PRICKLE1: variants seen among roughly 807,000 people sequenced by gnomAD.
PRICKLE1 encodes prickle planar cell polarity protein 1, also known as prickle-like protein 1.
PRICKLE1 carries 14 observed loss-of-function variants against 70.2 expected under a neutral mutation model. The ratio of observed to expected loss-of-function variants is 0.20; its 90% CI spans 0.13 to 0.31. PRICKLE1 has a LOEUF of 0.31. Ranked by LOEUF, PRICKLE1 falls within the 10% of genes least tolerant of loss-of-function variation. The pLI is 1.00. For synonymous variants in PRICKLE1, 357 were observed against 379.9 expected, an observed-to-expected ratio of 0.94 and a Z score of 0.70; for missense variants, 821 against 1,026.2, an observed-to-expected ratio of 0.80 and a Z score of 2.73.
In PRICKLE1 at chr12:42,458,260, T is replaced by C. The variant is rs1937651414; in HGVS notation, c.*1549A>G. The C allele has an allele frequency of 6.6e-6, 1 of 152,254 alleles. No individual in the cohort carries two copies. The highest frequency in any genetic ancestry group is 6.5e-5 in the Admixed American group (1 of 15,282). The allele number at this position is 152,254 out of a possible 1,614,324, so 9.4% of individuals were successfully genotyped here. A position where few individuals can be genotyped will look rare whatever the true frequency, so the allele number is the denominator to read the frequency against. On this transcript the variant is annotated 3_prime_UTR_variant, in exon 8 of 8. Transcript: ENST00000345127. ...CACGAGACAAATGGAGGTCTGTTAA[T>C]GGTAGGGCAACTGCAAAATAAATCA...
At chr12:42,476,187 TTTTTTC>T (rs1938523077) in intron 1 of PRICKLE1, among the ~76,000 whole-genome samples, 2 of 147,320 alleles carry the variant, frequency 1.4e-5, no homozygotes, top group African/African-American at 2.6e-5. Context: ...TTCTTTTTTC[TTTTTTC>T]TTTTTTTTTT....
At chr12:42,470,046 G>A (rs1188235470) in intron 3 of PRICKLE1, 200 bp downstream of exon 3, 3 of 569,580 alleles carry the variant, frequency 5.3e-6, no homozygotes, top group Non-Finnish European at 9.4e-6. Flanking sequence ...AAACCAACTT[G>A]TGTTAAGTTT....
rs752116352 is a variant in PRICKLE1, at chr12:42,465,057, C to T, written c.977G>A (p.Arg326Gln). 1.7e-5 allele frequency: 27 copies of T among 1,577,482 alleles called. No homozygotes were observed. Among genetic ancestry groups the T allele is most frequent in the East Asian group, 6.7e-5 (3 of 44,634 alleles). ...DSSDSAFQSA[R>Q]SRDSRRSVRM... ...GACACTTCTTCGGGAGTCTCTTGAT[C>T]GAGCTGACTGAAATGCAGAGTCGGA... The change falls in exon 7 of 8, where the codon CGA becomes CAA. Residue 326 changes from arginine to glutamine, a missense_variant. Physicochemically the swap from Arg to Gln is conservative, Grantham distance 43 (BLOSUM62 1). Coordinates refer to ENST00000345127, the MANE Select transcript of PRICKLE1 (RefSeq NM_153026.3).
chr12:42,477,250 T>C lies in PRICKLE1; in HGVS notation c.-48-4686A>G, dbSNP rs150848413. Among the ~76,000 whole-genome samples the C allele has an allele frequency of 8.9e-3, 1,348 of 151,570 alleles. 21 individuals carry two copies. The highest frequency in any genetic ancestry group is 0.028 in the Admixed American group (430 of 15,244). ...ATCCAGGTGTGGTGGTGCACACCTG[T>C]AATCCCAGCTACTCGAGAGGCTGAG... On this transcript the variant is annotated intron_variant, in intron 1 of 7. Transcript: ENST00000345127.
intron 1 of PRICKLE1, among the ~76,000 whole-genome samples, chr12:42,492,606 T>C (rs1228671893): frequency 6.6e-6 from 1 of 152,242 alleles, no homozygotes; most frequent in Non-Finnish European, 1.5e-5. Flanking sequence ...AAGGAGGTGA[T>C]TTTGTAGTGA....
chr12:42,495,049 A>C (rs1939170796), intron 1 of PRICKLE1, among the ~76,000 whole-genome samples: 1 of 151,164 alleles, frequency 6.6e-6, no homozygotes, highest in Non-Finnish European at 1.5e-5. Flanking sequence ...CATGTGCTCC[A>C]TGCCTGGCTA....
Position 42,470,363 on chromosome 12 carries a change from CAA to C in PRICKLE1, c.133-6_133-5del, listed in dbSNP as rs1009731020. The C allele has an allele frequency of 6.4e-7, 1 of 1,570,498 alleles. No individual in the cohort carries two copies. Among genetic ancestry groups the C allele is most frequent in the African/African-American group, 1.4e-5 (1 of 74,054 alleles). On this transcript the variant is annotated splice_polypyrimidine_tract_variant and splice_region_variant and intron_variant, in intron 2 of 7. Coordinates refer to ENST00000345127, the MANE Select transcript of PRICKLE1 (RefSeq NM_153026.3). The stretch of plus-strand genomic sequence containing the variant: ...AGCAAGCAAAATAGAGCTGGATCTG[CAA>C]AAGAGACAGTGAGAATGGCATCAAC...
At chr12:42,506,733 C>G (rs549097311) in intron 1 of PRICKLE1, among the ~76,000 whole-genome samples, 1 of 151,706 alleles carries the variant, frequency 6.6e-6, no homozygotes, top group Non-Finnish European at 1.5e-5. Flanking sequence ...CCACCATGCC[C>G]GGCTAATTTT....
At chr12:42,477,760 AC>A in intron 1 of PRICKLE1, among the ~76,000 whole-genome samples, 1 of 151,962 alleles carries the variant, frequency 6.6e-6, no homozygotes, top group South Asian at 2.1e-4. Context: ...AATTCTAATA[AC>A]TTTATTTTCA....
At chr12:42,551,956 C>T (rs2120655957) in intron 1 of PRICKLE1, among the ~76,000 whole-genome samples, 1 of 152,108 alleles carries the variant, frequency 6.6e-6, no homozygotes, top group South Asian at 2.1e-4. Context: ...CCTTAACCTA[C>T]AGTATGGCAT....
At chr12:42,540,167 A>G (rs1236202058) in intron 1 of PRICKLE1, among the ~76,000 whole-genome samples, 1 of 152,258 alleles carries the variant, frequency 6.6e-6, no homozygotes, top group Admixed American at 6.5e-5. Flanking sequence ...ACATAAGCCA[A>G]TAAAAGTTTG....
At chr12:42,587,797 C>G (rs903028909) in intron 1 of PRICKLE1, among the ~76,000 whole-genome samples, 3 of 152,234 alleles carry the variant, frequency 2.0e-5, no homozygotes, top group Admixed American at 6.5e-5. Context: ...AGTTTAAAAT[C>G]CCCTGGTGGG....
chr12:42,503,380 C>T (rs561134808), intron 1 of PRICKLE1, among the ~76,000 whole-genome samples: 5 of 152,184 alleles, frequency 3.3e-5, no homozygotes, highest in Non-Finnish European at 4.4e-5. Context: ...CCAGACTTCC[C>T]GCACACTCAT....
At chr12:42,481,362 C>T (rs1249743140) in intron 1 of PRICKLE1, among the ~76,000 whole-genome samples, 3 of 152,182 alleles carry the variant, frequency 2.0e-5, no homozygotes, top group African/African-American at 7.2e-5. Context: ...TGCAATCCCA[C>T]TCTAGTTCCT....
At chr12:42,474,724 C>T (rs1938457144) in intron 1 of PRICKLE1, among the ~76,000 whole-genome samples, 1 of 152,174 alleles carries the variant, frequency 6.6e-6, no homozygotes, top group Non-Finnish European at 1.5e-5. Context: ...TAATTAGTAA[C>T]TCTAAAACTC....
At chr12:42,518,395 G>A (rs1404267866) in intron 1 of PRICKLE1, among the ~76,000 whole-genome samples, 2 of 152,066 alleles carry the variant, frequency 1.3e-5, no homozygotes, top group Non-Finnish European at 2.9e-5. Flanking sequence ...AACAAGGATG[G>A]TTTTTTTATA....
At chr12:42,478,274 C>T (rs1005998954) in intron 1 of PRICKLE1, among the ~76,000 whole-genome samples, 3 of 152,156 alleles carry the variant, frequency 2.0e-5, no homozygotes, top group Non-Finnish European at 4.4e-5. Context: ...CAAACTTAAT[C>T]ATAAATGAAT....
chr12:42,548,946 C>A (rs1394613020), intron 1 of PRICKLE1, among the ~76,000 whole-genome samples: 1 of 144,668 alleles, frequency 6.9e-6, no homozygotes, highest in African/African-American at 2.6e-5. Flanking sequence ...CGTGGTGAAA[C>A]CCTGTCTCTA....
chr12:42,490,164 G>C (rs1939070231), intron 1 of PRICKLE1: 2 of 152,174 alleles, frequency 1.3e-5, no homozygotes. Context: ...TTTAATATAG[G>C]AATAAAAGGA....
Sources: allele counts gnomAD v4.1 joint callset (sites outside exome capture counted in the v4.1 genomes callset), GRCh38; gene constraint gnomAD v4.1.1; transcripts MANE v1.5; gene names NCBI Gene and HGNC (gene_info 2026-07-23, HGNC 2026-07-21).